The following APBA2 variants were observed in gnomAD, a reference collection of about 807,000 sequenced individuals.
APBA2 encodes amyloid-beta A4 precursor protein-binding family A member 2.
In APBA2, 30 loss-of-function variants were observed where a neutral mutation model predicts 75.0. The ratio of observed to expected loss-of-function variants is 0.40; its 90% CI spans 0.30 to 0.54. The LOEUF (loss-of-function observed/expected upper bound fraction) is 0.54, where lower values mean the gene tolerates loss of function less well. APBA2 is among the 20% of genes least tolerant of loss of function. APBA2 has a pLI of 0.49. For synonymous variants in APBA2, 444 were observed against 409.6 expected (o/e 1.08, Z -1.01); for missense variants, 801 against 1,016.1 (o/e 0.79, Z 2.88).
intron 2 of APBA2, among the ~76,000 whole-genome samples, chr15:28,943,633 C>A (rs2035362761): frequency 6.6e-6 from 1 of 152,148 alleles, no homozygotes; most frequent in Non-Finnish European, 1.5e-5. Context: ...TGGCGGGAAG[C>A]TTTTCACTCA....
chr15:28,984,806 C>A (rs912001973), intron 2 of APBA2, among the ~76,000 whole-genome samples: 2 of 150,586 alleles, frequency 1.3e-5, no homozygotes, highest in Admixed American at 1.3e-4. Context: ...TGCTCGCTCT[C>A]TCTCCCCCCT....
intron 2 of APBA2, chr15:28,970,404 C>CAAGG (rs2037001256): frequency 6.7e-6 from 1 of 149,594 alleles, no homozygotes; most frequent in Admixed American, 6.7e-5. Context: ...TGGCCAGGCA[C>CAAGG]CGTGGTTCAT....
chr15:28,996,943 T>G (rs1364539476), intron 3 of APBA2, among the ~76,000 whole-genome samples: 1 of 152,076 alleles, frequency 6.6e-6, no homozygotes, highest in Non-Finnish European at 1.5e-5. Flanking sequence ...GATTCTGGAG[T>G]GTCAAGACTC....
chr15:28,948,518 G>A (rs1397143229), intron 2 of APBA2, among the ~76,000 whole-genome samples: 1 of 152,186 alleles, frequency 6.6e-6, no homozygotes, highest in Non-Finnish European at 1.5e-5. Flanking sequence ...ACGCCTGTTG[G>A]AGAGTCCTGG....
intron 1 of APBA2, among the ~76,000 whole-genome samples, chr15:28,902,963 G>A (rs1447811708): frequency 1.3e-5 from 2 of 152,154 alleles, no homozygotes; most frequent in African/African-American, 2.4e-5. Context: ...AAAATGACCG[G>A]TTTCTCAGAT....
At chr15:28,978,724 T>G (rs1014452552) in intron 2 of APBA2, among the ~76,000 whole-genome samples, 1 of 152,158 alleles carries the variant, frequency 6.6e-6, no homozygotes, top group Admixed American at 6.5e-5. Context: ...GGCAGGTGCC[T>G]CCCAGGGCAT....
In APBA2 at chr15:29,046,377, C is replaced by G. The variant is rs1488065625; in HGVS notation, c.-40-7468C>G. Among the ~76,000 whole-genome samples the G allele has an allele frequency of 2.6e-5, 4 of 152,206 alleles. No individual in the cohort carries two copies. The highest frequency in any genetic ancestry group is 4.4e-5 in the Non-Finnish European group (3 of 68,032). On this transcript the variant is annotated intron_variant, in intron 3 of 14. Transcript: ENST00000683413. The surrounding 1 kb of genome is among the most constrained non-coding windows in gnomAD (Gnocchi z 5.0). The stretch of plus-strand genomic sequence containing the variant: ...TTATCTGCTGTGCTCTGAATAGCCC[C>G]GTCCTGCCAGGCCACCCACCTTTGC...
intron 1 of APBA2, among the ~76,000 whole-genome samples, chr15:28,887,561 A>G (rs148049543): frequency 0.45 from 68,639 of 151,930 alleles, 15,828 homozygotes; most frequent in Non-Finnish European, 0.47. Flanking sequence ...TTCCCAGTCC[A>G]GGGCGTCCAG....
At chr15:28,889,732 C>T (rs941107794) in intron 1 of APBA2, among the ~76,000 whole-genome samples, 3 of 152,266 alleles carry the variant, frequency 2.0e-5, no homozygotes, top group African/African-American at 7.2e-5. Flanking sequence ...TTTGCACCTG[C>T]TGTTCCCACC....
intron 1 of APBA2, among the ~76,000 whole-genome samples, chr15:28,919,674 G>T (rs1339844356): frequency 6.6e-6 from 1 of 152,202 alleles, no homozygotes; most frequent in Non-Finnish European, 1.5e-5. Context: ...GACTCAGTGA[G>T]CATCCTGCAG....
intron 4 of APBA2, among the ~76,000 whole-genome samples, chr15:29,061,439 T>A (rs8029734): frequency 6.6e-6 from 1 of 152,210 alleles, no homozygotes; most frequent in Non-Finnish European, 1.5e-5. Context: ...AAACCAAATA[T>A]GCGTTTTGAT....
intron 3 of APBA2, among the ~76,000 whole-genome samples, chr15:29,002,247 G>T (rs1216164981): frequency 6.6e-6 from 1 of 152,244 alleles, no homozygotes; most frequent in Non-Finnish European, 1.5e-5. Context: ...GTGCTTGGAT[G>T]AATTGATGAG....
At chr15:29,022,483 T>G (rs201063146) in intron 3 of APBA2, among the ~76,000 whole-genome samples, 2 of 93,256 alleles carry the variant, frequency 2.1e-5, no homozygotes, top group South Asian at 6.4e-4. Flanking sequence ...CCCTTGAAAT[T>G]TATTTTTGTG....
intron 4 of APBA2, among the ~76,000 whole-genome samples, chr15:29,070,093 T>C (rs1429871677): frequency 1.3e-5 from 2 of 152,204 alleles, no homozygotes. Context: ...CAGTATAGGG[T>C]ACCCAGTTAC....
Position 29,108,347 on chromosome 15 carries a change from A to T in APBA2, c.1995A>T (p.Pro665=). The change falls in exon 13 of 15, where the codon CCA becomes CCT. Residue 665 remains proline (P), a synonymous_variant. Transcript: ENST00000683413. Reference sequence around the variant, plus strand: ...TCACCACGGTCCTTATCAAGCGGCCAGACCTCAAGTACCAGCTGGGCTTCA... The same window carrying T: ...TCACCACGGTCCTTATCAAGCGGCCTGACCTCAAGTACCAGCTGGGCTTCA... The part of the protein sequence containing the change: ...PPVTTVLIKR[P]DLKYQLGFSV... 6.2e-7 allele frequency: 1 copy of T among 1,614,106 alleles called. No individual in the cohort carries two copies. Among genetic ancestry groups the T allele is most frequent in the Non-Finnish European group, 8.5e-7 (1 of 1,180,032 alleles).
At chr15:29,093,614 C>T (rs2043694011) in intron 7 of APBA2, among the ~76,000 whole-genome samples, 1 of 152,198 alleles carries the variant, frequency 6.6e-6, no homozygotes. Context: ...TCAAGAAAAA[C>T]TTTGACCTGC....
At chr15:28,961,002 A>G (rs1402703204) in intron 2 of APBA2, among the ~76,000 whole-genome samples, 1 of 151,572 alleles carries the variant, frequency 6.6e-6, no homozygotes, top group Non-Finnish European at 1.5e-5. Flanking sequence ...CAGGTGATTC[A>G]CCTGCCTCAG....
intron 3 of APBA2, among the ~76,000 whole-genome samples, chr15:29,050,349 A>G (rs1393084476): frequency 6.6e-6 from 1 of 152,236 alleles, no homozygotes; most frequent in Non-Finnish European, 1.5e-5. Context: ...AGTAAACAAA[A>G]TGACTCTAAC....
intron 2 of APBA2, among the ~76,000 whole-genome samples, chr15:28,985,696 G>A (rs1595651844): frequency 6.6e-6 from 1 of 152,208 alleles, no homozygotes; most frequent in Non-Finnish European, 1.5e-5. Flanking sequence ...GCGGATCTTC[G>A]AGACTGGTAC....
Sources: allele counts gnomAD v4.1 joint callset (sites outside exome capture counted in the v4.1 genomes callset), GRCh38; gene constraint gnomAD v4.1.1; non-coding constraint Gnocchi (gnomAD v3.1); transcripts MANE v1.5; gene names NCBI Gene and HGNC (gene_info 2026-07-23, HGNC 2026-07-21).